RAB27B: variants seen among roughly 807,000 people sequenced by gnomAD.
RAB27B encodes the protein ras-related protein Rab-27B.
A neutral mutation model predicts 24.6 loss-of-function variants in RAB27B; 15 were observed. The observed-to-expected ratio is 0.61, with a 90% CI of 0.41 to 0.94. The LOEUF is 0.94. Among genes scored for constraint, RAB27B ranks in the 40% least tolerant of loss-of-function variants. The pLI is 0.00. For synonymous variants in RAB27B, 105 were observed against 92.5 expected, an observed-to-expected ratio of 1.14 and a Z score of -0.78; for missense variants, 261 against 266.8, an observed-to-expected ratio of 0.98 and a Z score of 0.15.
Position 54,796,149 on chromosome 18 carries a change from C to G in RAB27B, c.-20+78008C>G, listed in dbSNP as rs1909411260. Among the ~76,000 whole-genome samples, 5 of 152,112 alleles carry G rather than the reference C, an allele frequency of 3.3e-5. No homozygotes were observed. In the South Asian group the frequency reaches 8.3e-4, roughly 25 times the overall value. ...GGGTGGCTCGCTCCTTTGGCTGCCC[C>G]ACTCCTCAAACCCCTGGAGGAAGCA... is the stretch of plus-strand genomic sequence containing the variant. On this transcript the variant is annotated intron_variant, in intron 2 of 4. Coordinates refer to the RAB27B transcript ENST00000586570.
intron 2 of RAB27B, among the ~76,000 whole-genome samples, chr18:54,786,033 T>G (rs955364876): frequency 2.0e-5 from 3 of 152,206 alleles, no homozygotes; most frequent in Non-Finnish European, 4.4e-5. Flanking sequence ...GCATCCAATC[T>G]GTCTCATCCT....
At chr18:54,750,905 G>T (rs1351935387) in intron 2 of RAB27B, among the ~76,000 whole-genome samples, 1 of 152,174 alleles carries the variant, frequency 6.6e-6, no homozygotes. Flanking sequence ...GAAGGCCACA[G>T]GCACAGGTTG....
At chr18:54,862,209 G>C (rs1912037125) in intron 1 of RAB27B, among the ~76,000 whole-genome samples, 1 of 152,128 alleles carries the variant, frequency 6.6e-6, no homozygotes. Context: ...TAACATCTCA[G>C]CGCATCTGTT....
intron 1 of RAB27B, among the ~76,000 whole-genome samples, chr18:54,861,971 A>T (rs578071628): frequency 5.3e-5 from 8 of 152,274 alleles, no homozygotes; most frequent in African/African-American, 1.7e-4. Flanking sequence ...TTCAATATAC[A>T]GCTTTACAGA....
intron 2 of RAB27B, among the ~76,000 whole-genome samples, chr18:54,751,082 A>G (rs1907815470): frequency 6.6e-6 from 1 of 152,196 alleles, no homozygotes; most frequent in African/African-American, 2.4e-5. Flanking sequence ...AGAGACACTG[A>G]AGTTAAGAGG....
At chr18:54,739,292 T>A (rs1909997474) in intron 2 of RAB27B, among the ~76,000 whole-genome samples, 1 of 151,726 alleles carries the variant, frequency 6.6e-6, no homozygotes, top group South Asian at 2.1e-4. Flanking sequence ...CCATCCCTAC[T>A]AAAAATACAA....
intron 1 of RAB27B, among the ~76,000 whole-genome samples, chr18:54,829,208 T>C (rs1910582808): frequency 6.6e-6 from 1 of 152,194 alleles, no homozygotes; most frequent in Non-Finnish European, 1.5e-5. Flanking sequence ...TTTTGCTCTG[T>C]TACTTTCGAA....
At chr18:54,807,891 C>T (rs1050219192) in intron 2 of RAB27B, among the ~76,000 whole-genome samples, 1 of 152,178 alleles carries the variant, frequency 6.6e-6, no homozygotes, top group Non-Finnish European at 1.5e-5. Context: ...ATTACTTCAT[C>T]ACTTCAGGGG....
chr18:54,747,557 G>A (rs1444595381), intron 2 of RAB27B, among the ~76,000 whole-genome samples: 2 of 152,198 alleles, frequency 1.3e-5, no homozygotes, highest in Non-Finnish European at 2.9e-5. Flanking sequence ...TGAGGAGTGT[G>A]AGAAGACTTT....
chr18:54,721,536 T>G (rs890056290), intron 2 of RAB27B, among the ~76,000 whole-genome samples: 2 of 152,230 alleles, frequency 1.3e-5, no homozygotes, highest in African/African-American at 4.8e-5. Context: ...GAATTATTTT[T>G]CATTAATATG....
chr18:54,864,353 G>C (rs757357600), intron 1 of RAB27B, among the ~76,000 whole-genome samples: 6 of 152,030 alleles, frequency 3.9e-5, no homozygotes, highest in African/African-American at 7.2e-5. Flanking sequence ...TTGGTTATTT[G>C]TCTTTTTATC....
intron 2 of RAB27B, among the ~76,000 whole-genome samples, chr18:54,775,472 G>T (rs1452119631): frequency 6.6e-6 from 1 of 152,114 alleles, no homozygotes; most frequent in Non-Finnish European, 1.5e-5. Context: ...CTACAAACCG[G>T]TCATTTCATC....
rs1234136040 is a variant in RAB27B at position 54,890,744 on chromosome 18, G to C, written c.*1331G>C. 2 of 31,940 alleles carry C rather than the reference G, an allele frequency of 6.3e-5. No individual in the cohort carries two copies. Among genetic ancestry groups the C allele is most frequent in the African/African-American group, 1.6e-4 (2 of 12,474 alleles). 2.0% of individuals were successfully genotyped at this position (31,940 alleles called of 1,614,324 possible). A position where few individuals can be genotyped will look rare whatever the true frequency, so the allele number is the denominator to read the frequency against. ...AGTTGAGCTGTATTTTGGGGGATTG[G>C]GTGAGGAAGGACTTCTGATCTTATC... is the stretch of plus-strand genomic sequence containing the variant. On this transcript the variant is annotated 3_prime_UTR_variant, in exon 6 of 6. Coordinates refer to ENST00000262094, the MANE Select transcript of RAB27B (RefSeq NM_004163.4).
At chr18:54,827,379 C>A (rs1282513178), upstream of RAB27B, among the ~76,000 whole-genome samples, 1 of 152,208 alleles carries the variant, frequency 6.6e-6, no homozygotes, top group East Asian at 1.9e-4. Flanking sequence ...CTCTTCTTTT[C>A]AACTTTCAAG....
chr18:54,879,513 T>C, intron 3 of RAB27B, 59 bp downstream of exon 3: 1 of 1,372,192 alleles, frequency 7.3e-7, no homozygotes, highest in Non-Finnish European at 1.0e-6. Context: ...TACTTTAAAA[T>C]GAATTCTGTA....
chr18:54,801,008 GTT>G (rs11363761), intron 2 of RAB27B, among the ~76,000 whole-genome samples: 17,010 of 92,544 alleles, frequency 0.18, 1,235 homozygotes, highest in Middle Eastern at 0.21. Context: ...TTGTTCCTGT[GTT>G]TTTTTTTTTT....
intron 2 of RAB27B, among the ~76,000 whole-genome samples, chr18:54,744,194 C>A (rs1276495458): frequency 6.6e-6 from 1 of 152,188 alleles, no homozygotes; most frequent in Non-Finnish European, 1.5e-5. Context: ...ATATTGGACC[C>A]ATTCAAAATG....
chr18:54,879,557 TCTC>T (rs1470712654), intron 3 of RAB27B, 103 bp downstream of exon 3: 1 of 926,386 alleles, frequency 1.1e-6, no homozygotes, highest in Non-Finnish European at 1.8e-6. Flanking sequence ...ATTCAACTCT[TCTC>T]CTGGTTTCAA....
chr18:54,765,474 A>G (rs924532079), intron 2 of RAB27B, among the ~76,000 whole-genome samples: 4 of 152,144 alleles, frequency 2.6e-5, no homozygotes, highest in African/African-American at 4.8e-5. Flanking sequence ...GCATTGGTCA[A>G]CCTTGTGCCA....
Sources: allele counts gnomAD v4.1 joint callset (sites outside exome capture counted in the v4.1 genomes callset), GRCh38; gene constraint gnomAD v4.1.1; transcripts MANE v1.5; gene names NCBI Gene and HGNC (gene_info 2026-07-23, HGNC 2026-07-21).